The following NELL1 variants were observed in gnomAD, a reference collection of about 807,000 sequenced individuals.
NELL1 encodes the protein neural EGFL like 1.
A neutral mutation model predicts 107.4 loss-of-function variants in NELL1; 76 were observed. That is an observed-to-expected ratio of 0.71 (90% CI 0.59 to 0.86). The LOEUF is 0.86. Among genes scored for constraint, NELL1 ranks in the 40% least tolerant of loss-of-function variants. The probability of loss-of-function intolerance (pLI) is 0.00; values close to 1 mark genes in which losing one functional copy is unlikely to be tolerated. For synonymous variants in NELL1, 353 were observed against 341.2 expected (o/e 1.03, Z -0.38); for missense variants, 1,024 against 1,005.5 (o/e 1.02, Z -0.25).
At chr11:20,827,846 T>G (rs1222866354) in intron 3 of NELL1, among the ~76,000 whole-genome samples, 1 of 150,852 alleles carries the variant, frequency 6.6e-6, no homozygotes, top group Non-Finnish European at 1.5e-5. Flanking sequence ...TGTGGGGGAG[T>G]GATGAGGTTG....
chr11:20,713,268 A>G (rs1282457221), intron 2 of NELL1, among the ~76,000 whole-genome samples: 2 of 152,076 alleles, frequency 1.3e-5, no homozygotes, highest in African/African-American at 4.8e-5. Flanking sequence ...GGGTTGGTAG[A>G]GAAATACCAT....
intron 12 of NELL1, among the ~76,000 whole-genome samples, chr11:21,039,930 A>G (rs1853188063): frequency 6.6e-6 from 1 of 152,158 alleles, no homozygotes; most frequent in South Asian, 2.1e-4. Context: ...AATGGATGCA[A>G]TAAATCTTAA....
chr11:20,998,543 C>A (rs1021141836), intron 12 of NELL1, among the ~76,000 whole-genome samples: 1 of 152,168 alleles, frequency 6.6e-6, no homozygotes, highest in Non-Finnish European at 1.5e-5. Flanking sequence ...CTATATACCT[C>A]CAGTTCTGTT....
intron 15 of NELL1, among the ~76,000 whole-genome samples, chr11:21,462,959 A>G (rs1365944836): frequency 1.3e-5 from 2 of 152,096 alleles, no homozygotes; most frequent in Non-Finnish European, 2.9e-5. Context: ...TGTCAAGGCA[A>G]AAGGAACACC....
At chr11:21,077,339 A>G (rs534067133) in intron 12 of NELL1, among the ~76,000 whole-genome samples, 11 of 152,196 alleles carry the variant, frequency 7.2e-5, no homozygotes, top group Non-Finnish European at 1.5e-4. Context: ...TATCACAAAG[A>G]GATATCAGAA....
intron 4 of NELL1, among the ~76,000 whole-genome samples, chr11:20,866,929 C>T (rs1849105883): frequency 6.6e-6 from 1 of 152,202 alleles, no homozygotes. Context: ...ACAGAGTGGA[C>T]ATTCAACAAT....
chr11:20,675,564 G>A (rs1854034218), intron 1 of NELL1, among the ~76,000 whole-genome samples: 3 of 152,086 alleles, frequency 2.0e-5, no homozygotes, highest in Admixed American at 2.0e-4. Flanking sequence ...CTGGTGAAGG[G>A]CACGTTCCCC....
intron 15 of NELL1, among the ~76,000 whole-genome samples, chr11:21,389,471 C>T (rs1272262861): frequency 2.0e-5 from 3 of 151,856 alleles, no homozygotes; most frequent in Non-Finnish European, 2.9e-5. Context: ...CTCTCCCTTC[C>T]TTAAGGCTGC....
intron 15 of NELL1, among the ~76,000 whole-genome samples, chr11:21,513,263 A>G (rs1855482634): frequency 6.6e-6 from 1 of 152,226 alleles, no homozygotes; most frequent in Admixed American, 6.5e-5. Context: ...ATAATACCTG[A>G]GTAAGGGGAA....
intron 15 of NELL1, among the ~76,000 whole-genome samples, chr11:21,372,539 T>C (rs1430050283): frequency 6.6e-6 from 1 of 152,046 alleles, no homozygotes; most frequent in Non-Finnish European, 1.5e-5. Flanking sequence ...AAGTAACTTA[T>C]GCAATTATTA....
intron 13 of NELL1, among the ~76,000 whole-genome samples, chr11:21,126,130 G>A (rs183415820): frequency 3.8e-4 from 58 of 152,280 alleles, no homozygotes; most frequent in East Asian, 5.8e-4. Context: ...GTGAGGCAGA[G>A]ATAGGAAAGT....
chr11:20,928,507 C>A, intron 9 of NELL1, 28 bp downstream of exon 9: 1 of 1,536,878 alleles, frequency 6.5e-7, no homozygotes, highest in South Asian at 1.1e-5. Context: ...GTCAGACTGG[C>A]TGTCTGTGTT....
chr11:21,546,138 T>A (rs1856434912), intron 16 of NELL1, among the ~76,000 whole-genome samples: 1 of 152,000 alleles, frequency 6.6e-6, no homozygotes, highest in Non-Finnish European at 1.5e-5. Flanking sequence ...ACTGTTGAAA[T>A]ACCAGGATCC....
chr11:20,884,895 A>C (rs1849476760), intron 4 of NELL1, among the ~76,000 whole-genome samples: 1 of 152,228 alleles, frequency 6.6e-6, no homozygotes. Flanking sequence ...TAAGCTGTGT[A>C]GTTCTGTAGA....
chr11:21,573,996 T>G (rs951761326), intron 19 of NELL1, among the ~76,000 whole-genome samples: 6 of 151,860 alleles, frequency 4.0e-5, no homozygotes, highest in Non-Finnish European at 8.8e-5. Context: ...TGGAGGGGTT[T>G]TCATGAGACA....
chr11:21,533,319 G>A (rs943331618), intron 15 of NELL1, among the ~76,000 whole-genome samples: 1 of 152,076 alleles, frequency 6.6e-6, no homozygotes, highest in Non-Finnish European at 1.5e-5. Flanking sequence ...GCTTCTTATA[G>A]GCCCTGTTAA....
chr11:21,232,854 C>A (rs774893263), intron 14 of NELL1, among the ~76,000 whole-genome samples: 1 of 151,996 alleles, frequency 6.6e-6, no homozygotes, highest in Non-Finnish European at 1.5e-5. Flanking sequence ...GGTTTCACCA[C>A]GTTGGCCAGG....
intron 15 of NELL1, among the ~76,000 whole-genome samples, chr11:21,409,123 C>T (rs1031710255): frequency 3.6e-4 from 55 of 152,068 alleles, no homozygotes; most frequent in African/African-American, 1.3e-3. Flanking sequence ...TATAAAGAAA[C>T]ATGCACACGT....
chr11:20,791,741 T>TC (rs2133991557), intron 3 of NELL1, among the ~76,000 whole-genome samples: 1 of 151,698 alleles, frequency 6.6e-6, no homozygotes, highest in African/African-American at 2.4e-5. Flanking sequence ...TTTTTTTTTT[T>TC]TTTTTTCTAT....
Sources: allele counts gnomAD v4.1 joint callset (sites outside exome capture counted in the v4.1 genomes callset), GRCh38; gene constraint gnomAD v4.1.1; transcripts MANE v1.5; gene names NCBI Gene and HGNC (gene_info 2026-07-23, HGNC 2026-07-21).